Variants in DKK1 observed in about 807,000 individuals in gnomAD.
DKK1 encodes the protein dickkopf-related protein 1.
Under a neutral mutation model 26.0 loss-of-function variants are expected in DKK1, and 18 were observed. The ratio of observed to expected loss-of-function variants is 0.69; its 90% CI spans 0.48 to 1.03. The LOEUF (loss-of-function observed/expected upper bound fraction) is 1.03. DKK1 is among the 50% of genes least tolerant of loss of function. DKK1 has a pLI of 0.00. For missense variants in DKK1, 335 were observed against 348.5 expected (o/e 0.96, Z 0.31); for synonymous variants, 130 against 132.6 (o/e 0.98, Z 0.13).
At position 52,315,042 on chromosome 10, in the gene DKK1, C is replaced by T. The variant is rs1564556552; in HGVS notation, c.363C>T (p.Cys121=). The T allele has an allele frequency of 3.7e-6, 6 of 1,602,054 alleles. No individual in the cohort carries two copies. Among genetic ancestry groups the T allele is most frequent in the Non-Finnish European group, 4.3e-6 (5 of 1,172,352 alleles). The change falls in exon 2 of 4, where the codon TGC becomes TGT. Residue 121 remains cysteine, a synonymous_variant. Coordinates refer to ENST00000373970, the MANE Select transcript of DKK1 (RefSeq NM_012242.4). ...CCTGCAGGAAGCGCCGAAAACGCTG[C>T]ATGCGTCACGCTATGTGCTGCCCCG... ...CLACRKRRKR[C]MRHAMCCPGN... is the part of the protein sequence containing the mutation.
intron 2 of DKK1, 95 bp from the exon 3 acceptor site, chr10:52,316,200 C>G (rs1372931495): frequency 8.2e-6 from 12 of 1,459,080 alleles, no homozygotes; most frequent in Non-Finnish European, 1.0e-5. Context: ...TGAAGTATCT[C>G]AAGTTGATGC....
chr10:52,314,595 G>A lies in DKK1; in HGVS notation c.161G>A (p.Gly54Glu), dbSNP rs1194412525. ...NLPPPLGGAA[G>E]HPGSAVSAAP... ...CCCCCACCGCTGGGCGGCGCTGCGG[G>A]GCACCCAGGCTCTGCAGTCAGCGCC... The change falls in exon 1 of 4, where the codon GGG (glycine) becomes GAG (glutamate). Residue 54 changes from glycine to glutamate, a missense_variant. Coordinates refer to ENST00000373970, the MANE Select transcript of DKK1 (RefSeq NM_012242.4). The surrounding 1 kb of genome is among the most constrained non-coding windows in gnomAD (Gnocchi z 5.7). The A allele has an allele frequency of 6.2e-7, 1 of 1,613,474 alleles. No individual in the cohort carries two copies. Among genetic ancestry groups the A allele is most frequent in the East Asian group, 2.2e-5 (1 of 44,810 alleles).
Position 52,314,819 on chromosome 10 carries a change from T to C in DKK1, c.244-104T>C. On this transcript the variant is annotated intron_variant, in intron 1 of 3. Coordinates refer to ENST00000373970, the MANE Select transcript of DKK1 (RefSeq NM_012242.4). This position sits in a 1 kb window ranked among gnomAD's most constrained non-coding sequence, Gnocchi z 5.7. The stretch of plus-strand genomic sequence containing the variant: ...TTGGGAGCAGTGGGCAGTAACAGGT[T>C]TTGGAGAGGTGGACAGATAAGGACT... The C allele has an allele frequency of 6.8e-7, 1 of 1,479,292 alleles. No homozygotes were observed. Among genetic ancestry groups the C allele is most frequent in the East Asian group, 2.4e-5 (1 of 40,864 alleles). The allele number at this position is 1,479,292 out of a possible 1,614,324, so 91.6% of individuals were successfully genotyped here. A position where few individuals can be genotyped will look rare whatever the true frequency, so the allele number is the denominator to read the frequency against.
rs1842626629 is a variant in DKK1 at position 52,317,277 on chromosome 10, A to T, written c.*470A>T. The stretch of plus-strand genomic sequence containing the variant: ...AAATGATAGGTACCTAAAATGTAAC[A>T]TGAAAATACTAGCTTATTTTCTGAA... On this transcript the variant is annotated 3_prime_UTR_variant, in exon 4 of 4. Transcript: ENST00000373970. The T allele has an allele frequency of 6.5e-6, 1 of 154,602 alleles. No individual in the cohort carries two copies. Among genetic ancestry groups the T allele is most frequent in the East Asian group, 1.9e-4 (1 of 5,210 alleles). 9.6% of individuals were successfully genotyped at this position (154,602 alleles called of 1,614,324 possible).
Position 52,317,026 on chromosome 10 carries a change from C to T in DKK1, c.*219C>T. 3.7e-6 allele frequency: 2 copies of T among 543,558 alleles called. No individual in the cohort carries two copies. The highest frequency in any genetic ancestry group is 3.2e-6 in the Non-Finnish European group (1 of 311,094). 33.7% of individuals were successfully genotyped at this position (543,558 alleles called of 1,614,324 possible). On this transcript the variant is annotated 3_prime_UTR_variant, in exon 4 of 4. Coordinates refer to ENST00000373970, the MANE Select transcript of DKK1 (RefSeq NM_012242.4). ...ACTGTATTGTAAATTCTCAGTGTGGCACTTACCTGTAAATGCAATGAAACT... is the reference window on the plus strand; with the variant it reads ...ACTGTATTGTAAATTCTCAGTGTGGTACTTACCTGTAAATGCAATGAAACT...
chr10:52,315,403 T>C (rs920547658), intron 2 of DKK1: 3 of 250,164 alleles, frequency 1.2e-5, no homozygotes, highest in African/African-American at 6.7e-5. Flanking sequence ...AACCTTGAGG[T>C]CAATTGAGAA....
rs760571349 is a variant in DKK1 at position 52,316,556 on chromosome 10, C to CAAG, written c.554_556dup (p.Glu185dup). 3.7e-6 allele frequency: 6 copies of CAAG among 1,613,920 alleles called. No individual in the cohort carries two copies. Among genetic ancestry groups the CAAG allele is most frequent in the Non-Finnish European group, 5.1e-6 (6 of 1,179,962 alleles). ...TCCTACTGTCTTCTCCTTCGTAGGACAAGAAGGTTCTGTTTGTCTCCGGTC... is the reference window on the plus strand; with the variant it reads ...TCCTACTGTCTTCTCCTTCGTAGGACAAGAAGAAGGTTCTGTTTGTCTCCGGTC... On this transcript the variant is annotated inframe_insertion, in exon 4 of 4. Transcript: ENST00000373970.
At chr10:52,315,249 A>G in intron 2 of DKK1, 164 bp downstream of exon 2, 1 of 608,736 alleles carries the variant, frequency 1.6e-6, no homozygotes. Context: ...ATTCCGCTGA[A>G]GTATCTTCAT....
Position 52,315,069 on chromosome 10 carries a change from G to A in DKK1, c.390G>A (p.Gly130=). 6.5e-7 allele frequency: 1 copy of A among 1,543,450 alleles called. No individual in the cohort carries two copies. The highest frequency in any genetic ancestry group is 8.8e-7 in the Non-Finnish European group (1 of 1,137,220). The change falls in exon 2 of 4, where the codon GGG becomes GGA. Residue 130 remains glycine (G), a synonymous_variant. Transcript: ENST00000373970. ...RCMRHAMCCP[G]NYCKNGICVS... ...TGCGTCACGCTATGTGCTGCCCCGG[G>A]AATTACTGCAAAAATGGTGAGTCCT...
rs939796051 is a variant in DKK1, at chr10:52,314,828, G to A, written c.244-95G>A. The A allele has an allele frequency of 6.8e-7, 1 of 1,474,802 alleles. No individual in the cohort carries two copies. The allele number at this position is 1,474,802 out of a possible 1,614,324, so 91.4% of individuals were successfully genotyped here. ...GTGGGCAGTAACAGGTTTTGGAGAG[G>A]TGGACAGATAAGGACTGTGATCAGC... On this transcript the variant is annotated intron_variant, in intron 1 of 3. Coordinates refer to ENST00000373970, the MANE Select transcript of DKK1 (RefSeq NM_012242.4). The surrounding 1 kb of genome is among the most constrained non-coding windows in gnomAD (Gnocchi z 5.7).
chr10:52,316,367 A>G lies in DKK1; in HGVS notation c.479A>G (p.Asn160Ser). 5 of 1,614,198 alleles carry G rather than the reference A, an allele frequency of 3.1e-6. No homozygotes were observed. Among genetic ancestry groups the G allele is most frequent in the Non-Finnish European group, 4.2e-6 (5 of 1,180,032 alleles). The change falls in exon 3 of 4, where the codon AAT (asparagine) becomes AGT (serine). Residue 160 changes from asparagine (N) to serine (S), a missense_variant. Coordinates refer to ENST00000373970, the MANE Select transcript of DKK1 (RefSeq NM_012242.4). ...IEETITESFG[N>S]DHSTLDGYSR... ...GAAACCATCACTGAAAGCTTTGGTA[A>G]TGATCATAGCACCTTGGATGGGTAT...
chr10:52,316,394 C>A lies in DKK1; in HGVS notation c.506C>A (p.Ser169Tyr). 2 of 1,614,108 alleles carry A rather than the reference C, an allele frequency of 1.2e-6. No homozygotes were observed. Among genetic ancestry groups the A allele is most frequent in the Non-Finnish European group, 1.7e-6 (2 of 1,180,008 alleles). The change falls in exon 3 of 4, where the codon TCC becomes TAC. Residue 169 changes from serine to tyrosine, a missense_variant. By Grantham distance (144) the Ser-to-Tyr change is moderately radical. Transcript: ENST00000373970. ...GATCATAGCACCTTGGATGGGTATTCCAGAAGAACCACCTTGTCTTCAAAA... is the reference window on the plus strand; with the variant it reads ...GATCATAGCACCTTGGATGGGTATTACAGAAGAACCACCTTGTCTTCAAAA... ...GNDHSTLDGY[S>Y]RRTTLSSKMY...
Position 52,314,599 on chromosome 10 carries a change from C to G in DKK1, c.165C>G (p.His55Gln). The change falls in exon 1 of 4, where the codon CAC becomes CAG. Residue 55 changes from histidine (H) to glutamine (Q), a missense_variant. Coordinates refer to ENST00000373970, the MANE Select transcript of DKK1 (RefSeq NM_012242.4). The surrounding 1 kb of genome is among the most constrained non-coding windows in gnomAD (Gnocchi z 5.7). ...LPPPLGGAAG[H>Q]PGSAVSAAPG... ...CACCGCTGGGCGGCGCTGCGGGGCA[C>G]CCAGGCTCTGCAGTCAGCGCCGCGC... 1 of 1,613,470 alleles carries G rather than the reference C, an allele frequency of 6.2e-7. No individual in the cohort carries two copies. Among genetic ancestry groups the G allele is most frequent in the South Asian group, 1.1e-5 (1 of 91,062 alleles).
chr10:52,314,857 C>T lies in DKK1; in HGVS notation c.244-66C>T. 5 of 1,459,426 alleles carry T rather than the reference C, an allele frequency of 3.4e-6. No individual in the cohort carries two copies. Among genetic ancestry groups the T allele is most frequent in the Non-Finnish European group, 1.8e-6 (2 of 1,101,140 alleles). The allele number at this position is 1,459,426 out of a possible 1,614,324, so 90.4% of individuals were successfully genotyped here. A position where few individuals can be genotyped will look rare whatever the true frequency, so the allele number is the denominator to read the frequency against. On this transcript the variant is annotated intron_variant, in intron 1 of 3. Transcript: ENST00000373970. The surrounding 1 kb of genome is among the most constrained non-coding windows in gnomAD (Gnocchi z 5.7). The stretch of plus-strand genomic sequence containing the variant: ...ACAGATAAGGACTGTGATCAGCGCC[C>T]GGGTCCAAGAGGGCGGGTACCTGGA...
In DKK1 at chr10:52,315,001, G is replaced by T; in HGVS notation, c.322G>T (p.Val108Leu). 6.2e-7 allele frequency: 1 copy of T among 1,605,608 alleles called. No individual in the cohort carries two copies. Among genetic ancestry groups the T allele is most frequent in the Non-Finnish European group, 8.5e-7 (1 of 1,174,092 alleles). The stretch of plus-strand genomic sequence containing the variant: ...TCCCACCCGCGGAGGGGACGCAGGC[G>T]TGCAAATCTGTCTCGCCTGCAGGAA... ...ASPTRGGDAG[V>L]QICLACRKRR... Residue 108 changes from valine to leucine, a missense_variant, in exon 2 of 4, where the codon GTG becomes TTG. Coordinates refer to ENST00000373970, the MANE Select transcript of DKK1 (RefSeq NM_012242.4).
rs907580519 is a variant in DKK1, at chr10:52,317,085, A to G, written c.*278A>G. The G allele has an allele frequency of 2.7e-6, 1 of 367,640 alleles. No individual in the cohort carries two copies. The highest frequency in any genetic ancestry group is 4.9e-6 in the Non-Finnish European group (1 of 203,174). The allele number at this position is 367,640 out of a possible 1,614,324, so 22.8% of individuals were successfully genotyped here. Reference sequence around the variant, plus strand: ...TTTTTCTAAAGGTGCTGCACTGCCTATTTTTCCTCTTGTTATGTAAATTTT... The same window carrying G: ...TTTTTCTAAAGGTGCTGCACTGCCTGTTTTTCCTCTTGTTATGTAAATTTT... On this transcript the variant is annotated 3_prime_UTR_variant, in exon 4 of 4. Transcript: ENST00000373970.
At position 52,316,298 on chromosome 10, in the gene DKK1, T is replaced by C. The variant is rs1374449055; in HGVS notation, c.410T>C (p.Ile137Thr). 1.2e-6 allele frequency: 2 copies of C among 1,614,076 alleles called. No homozygotes were observed. Among genetic ancestry groups the C allele is most frequent in the Admixed American group, 3.3e-5 (2 of 60,020 alleles). Residue 137 changes from isoleucine to threonine, a missense_variant, in exon 3 of 4, where the codon ATA (isoleucine) becomes ACA (threonine). Transcript: ENST00000373970. ...CCPGNYCKNG[I>T]CVSSDQNHFR... ...TCACTATTTCCTGCTTCCTTAGGAA[T>C]ATGTGTGTCTTCTGATCAAAATCAT...
intron 2 of DKK1, among the ~76,000 whole-genome samples, chr10:52,315,583 A>G (rs112910014): frequency 0.035 from 5,365 of 152,210 alleles, 133 homozygotes; most frequent in Non-Finnish European, 0.058. Flanking sequence ...ATTTATCTGC[A>G]TTGGCCATTT....
rs1267913158 is a variant in DKK1 at position 52,314,727 on chromosome 10, A to G, written c.243+50A>G. The G allele has an allele frequency of 6.3e-7, 1 of 1,595,592 alleles. No homozygotes were observed. Among genetic ancestry groups the G allele is most frequent in the Non-Finnish European group, 8.5e-7 (1 of 1,169,730 alleles). On this transcript the variant is annotated intron_variant, in intron 1 of 3. Transcript: ENST00000373970. This position sits in a 1 kb window ranked among gnomAD's most constrained non-coding sequence, Gnocchi z 5.7. ...GATGCTCTGACCTTGAAAGGGTCCT[A>G]TCTGGAGACGAGGGAGTAGAACGTG...
Sources: gnomAD v4.1 joint callset for allele counts (sites outside exome capture counted in the v4.1 genomes callset) on GRCh38, gnomAD v4.1.1 for gene constraint, Gnocchi (gnomAD v3.1) non-coding constraint, MANE v1.5 for transcripts, NCBI Gene and HGNC (gene_info 2026-07-23, HGNC 2026-07-21) for gene names.